GAA: variants seen among roughly 807,000 people sequenced by gnomAD.
GAA encodes lysosomal alpha-glucosidase.
GAA carries 88 observed loss-of-function variants against 103.9 expected under a neutral mutation model. The ratio of observed to expected loss-of-function variants is 0.85; its 90% CI spans 0.71 to 1.01. The LOEUF is 1.01. Ranked by LOEUF, GAA falls within the 50% of genes least tolerant of loss-of-function variation. The probability of loss-of-function intolerance (pLI) is 0.00; values close to 1 mark genes in which losing one functional copy is unlikely to be tolerated. For missense variants in GAA, 1,350 were observed against 1,305.3 expected (o/e 1.03, Z -0.53); for synonymous variants, 572 against 563.1 (o/e 1.02, Z -0.22).
intron 12 of GAA, 135 bp from the exon 13 acceptor site, chr17:80,112,443 G>A: frequency 2.6e-6 from 3 of 1,141,520 alleles, no homozygotes; most frequent in Non-Finnish European, 3.8e-6. Context: ...GACATGGGCA[G>A]TAGCCTCGCC....
intron 8 of GAA, 142 bp from the exon 9 acceptor site, chr17:80,109,803 G>A: frequency 1.5e-6 from 1 of 649,222 alleles, no homozygotes; most frequent in South Asian, 1.9e-5. Context: ...GCGTGTGCAG[G>A]CATGTGCAGG....
intron 15 of GAA, among the ~76,000 whole-genome samples, chr17:80,114,456 T>G (rs1162105303): frequency 6.6e-6 from 1 of 151,896 alleles, no homozygotes; most frequent in Non-Finnish European, 1.5e-5. Flanking sequence ...GCCCTAGGGA[T>G]TACAATTAAC....
At chr17:80,106,327 A>G (rs1320913176) in intron 3 of GAA, among the ~76,000 whole-genome samples, 1 of 75,240 alleles carries the variant, frequency 1.3e-5, no homozygotes, top group East Asian at 3.3e-4. Context: ...AAGCAAGTCC[A>G]TGCAGACACA....
rs1340464172 is a variant in GAA at position 80,110,847 on chromosome 17, G to A, written c.1551+7G>A. The A allele has an allele frequency of 1.2e-6, 2 of 1,613,858 alleles. No individual in the cohort carries two copies. Among genetic ancestry groups the A allele is most frequent in the African/African-American group, 1.3e-5 (1 of 74,910 alleles). On this transcript the variant is annotated splice_region_variant and intron_variant, in intron 10 of 19. Transcript: ENST00000302262. The stretch of plus-strand genomic sequence containing the variant: ...CTTCGACGGCATGTGGATTGTAAGT[G>A]TGGCCCCCTCCTGAGCATCCCCAAG...
At chr17:80,110,115 C>T (rs1394331830) in intron 9 of GAA, 60 bp downstream of exon 9, 9 of 1,343,614 alleles carry the variant, frequency 6.7e-6, no homozygotes, top group Middle Eastern at 1.9e-4. Flanking sequence ...CAGGGGGAGC[C>T]GGCAGCTGCT....
chr17:80,104,966 GCTT>G lies in GAA; in HGVS notation c.385_387del (p.Phe129del), dbSNP rs2039041423. ...GGAGCCCAGATGGGGCAGCCCTGGT[GCTT>G]CTTCCCACCCAGCTACCCCAGCTAC... On this transcript the variant is annotated inframe_deletion, in exon 2 of 20. Coordinates refer to ENST00000302262, the MANE Select transcript of GAA (RefSeq NM_000152.5). This position sits in a 1 kb window ranked among gnomAD's most constrained non-coding sequence, Gnocchi z 4.0. 1 of 1,612,442 alleles carries G rather than the reference GCTT, an allele frequency of 6.2e-7. No homozygotes were observed.
At chr17:80,110,430 G>A (rs887957658) in intron 9 of GAA, among the ~76,000 whole-genome samples, 4 of 152,198 alleles carry the variant, frequency 2.6e-5, no homozygotes, top group Admixed American at 6.5e-5. Context: ...GGGCTTGCAC[G>A]GGGCCGTCTC....
chr17:80,116,766 A>C, intron 15 of GAA: 1 of 630,064 alleles, frequency 1.6e-6, no homozygotes, highest in South Asian at 1.8e-5. Flanking sequence ...ATGTCCGGGG[A>C]GAAGGCTTCT....
In GAA at chr17:80,119,140, C is replaced by T. The variant is rs920558026; in HGVS notation, c.2800-132C>T. 2.1e-5 allele frequency: 20 copies of T among 960,928 alleles called. No homozygotes were observed. The East Asian group carries it at 2.2e-4, about 10-fold the overall frequency. 59.5% of individuals were successfully genotyped at this position (960,928 alleles called of 1,614,324 possible). On this transcript the variant is annotated intron_variant, in intron 19 of 19. Coordinates refer to ENST00000302262, the MANE Select transcript of GAA (RefSeq NM_000152.5). ...GGGTGCGAAGCATCCCAGGGCCAGA[C>T]GGAGCTGCCCCCTGAGCGCCGGGCC...
At chr17:80,113,163 A>G (rs1368095740) in intron 14 of GAA, 55 bp from the exon 15 acceptor site, 2 of 1,547,676 alleles carry the variant, frequency 1.3e-6, no homozygotes, top group Non-Finnish European at 1.7e-6. Flanking sequence ...CGGGGACTCC[A>G]GGGGACCGCG....
At position 80,112,586 on chromosome 17, in the gene GAA, T is replaced by G; in HGVS notation, c.1763T>G (p.Val588Gly). The G allele has an allele frequency of 6.2e-7, 1 of 1,612,982 alleles. No individual in the cohort carries two copies. The highest frequency in any genetic ancestry group is 8.5e-7 in the Non-Finnish European group (1 of 1,179,952). Residue 588 changes from valine (V) to glycine (G), a missense_variant, in exon 13 of 20, where the codon GTG (valine) becomes GGG (glycine). Physicochemically the swap from Val to Gly is moderately radical, Grantham distance 109. Transcript: ENST00000302262. ...TEAIASHRAL[V>G]KARGTRPFVI... The stretch of plus-strand genomic sequence containing the variant: ...GTCCCCCACCACCCCAGGGCGCTGG[T>G]GAAGGCTCGGGGGACACGCCCATTT...
In GAA at chr17:80,108,625, CAG is replaced by C; in HGVS notation, c.1194+19_1194+20del. ...TCCCCCTGGTGAGTTGGGGTGGTGGCAGGGGAGGCAAGGGGCTGGCCGGGACG... is the reference window on the plus strand; with the variant it reads ...TCCCCCTGGTGAGTTGGGGTGGTGGCGGGAGGCAAGGGGCTGGCCGGGACG... On this transcript the variant is annotated intron_variant, in intron 7 of 19. Coordinates refer to ENST00000302262, the MANE Select transcript of GAA (RefSeq NM_000152.5). The C allele has an allele frequency of 6.2e-7, 1 of 1,612,664 alleles. No homozygotes were observed. Among genetic ancestry groups the C allele is most frequent in the African/African-American group, 1.3e-5 (1 of 75,044 alleles).
Position 80,112,025 on chromosome 17 carries a change from C to T in GAA, c.1679C>T (p.Ser560Phe), listed in dbSNP as rs576056187. The T allele has an allele frequency of 6.2e-7, 1 of 1,613,994 alleles. No homozygotes were observed. Among genetic ancestry groups the T allele is most frequent in the Admixed American group, 1.7e-5 (1 of 60,024 alleles). ...CTCCAGGCGGCCACCATCTGTGCCT[C>T]CAGCCACCAGTTTCTCTCCACACAC... ...GTLQAATICA[S>F]SHQFLSTHYN... Residue 560 changes from serine (S) to phenylalanine (F), a missense_variant, in exon 12 of 20, where the codon TCC (serine) becomes TTC (phenylalanine). Ser to Phe is a radical substitution (Grantham distance 155). Coordinates refer to ENST00000302262, the MANE Select transcript of GAA (RefSeq NM_000152.5).
chr17:80,110,075 G>C lies in GAA; in HGVS notation c.1437+20G>C, dbSNP rs768737799. ...GGGAAGGTAGGGCGAGGGTCCAGGG[G>C]ACGGGGGTTAGAAAGCAGAGGCCTC... On this transcript the variant is annotated intron_variant, in intron 9 of 19. Coordinates refer to ENST00000302262, the MANE Select transcript of GAA (RefSeq NM_000152.5). The C allele has an allele frequency of 8.7e-6, 14 of 1,601,586 alleles. No homozygotes were observed. In the African/African-American group the frequency reaches 1.1e-4, roughly 12 times the overall value.
chr17:80,107,981 T>C (rs966762838), intron 5 of GAA, 85 bp downstream of exon 5: 32 of 1,292,862 alleles, frequency 2.5e-5, no homozygotes, highest in South Asian at 5.0e-5. Context: ...TGAGGGGCCC[T>C]GGGCACGGTG....
intron 17 of GAA, 53 bp downstream of exon 17, chr17:80,117,802 G>A (rs927464085): frequency 1.0e-5 from 16 of 1,547,466 alleles, no homozygotes; most frequent in Non-Finnish European, 1.4e-5. Context: ...CTGCAGAGCT[G>A]GGGGAGGCAC....
rs1238506717 is a variant in GAA at position 80,119,704 on chromosome 17, C to G, written c.*373C>G. On this transcript the variant is annotated 3_prime_UTR_variant, in exon 20 of 20. Coordinates refer to ENST00000302262, the MANE Select transcript of GAA (RefSeq NM_000152.5). Reference sequence around the variant, plus strand: ...TCAGGTGGAGGTGTGGGGTATGCACCTGAGCTCCTGCTTCGCGCCTGCTGC... The same window carrying G: ...TCAGGTGGAGGTGTGGGGTATGCACGTGAGCTCCTGCTTCGCGCCTGCTGC... 6.1e-6 allele frequency: 2 copies of G among 325,490 alleles called. No individual in the cohort carries two copies. The highest frequency in any genetic ancestry group is 4.1e-5 in the Admixed American group (1 of 24,362). 20.2% of individuals were successfully genotyped at this position (325,490 alleles called of 1,614,324 possible).
intron 8 of GAA, 78 bp from the exon 9 acceptor site, chr17:80,109,867 C>G (rs2143864997): frequency 9.8e-7 from 1 of 1,022,580 alleles, no homozygotes; most frequent in Non-Finnish European, 1.5e-6. Flanking sequence ...GCCTCATCCT[C>G]TCACTGTCTC....
Position 80,108,382 on chromosome 17 carries a change from G to A in GAA, c.1048G>A (p.Val350Met), listed in dbSNP as rs200412003. Residue 350 changes from valine to methionine, a missense_variant, in exon 6 of 20, where the codon GTG becomes ATG. Val to Met is a conservative substitution (Grantham distance 21). Coordinates refer to ENST00000302262, the MANE Select transcript of GAA (RefSeq NM_000152.5). ...YIFLGPEPKS[V>M]VQQYLDVVGY... ...CTTCCTGGGCCCAGAGCCCAAGAGCGTGGTGCAGCAGTACCTGGACGTTGT... is the reference window on the plus strand; with the variant it reads ...CTTCCTGGGCCCAGAGCCCAAGAGCATGGTGCAGCAGTACCTGGACGTTGT... 8.6e-5 allele frequency: 138 copies of A among 1,613,430 alleles called. No homozygotes were observed. The highest frequency in any genetic ancestry group is 8.3e-5 in the Non-Finnish European group (98 of 1,180,054).
Sources: gnomAD v4.1 joint callset for allele counts (sites outside exome capture counted in the v4.1 genomes callset) on GRCh38, gnomAD v4.1.1 for gene constraint, Gnocchi (gnomAD v3.1) non-coding constraint, MANE v1.5 for transcripts, NCBI Gene and HGNC (gene_info 2026-07-23, HGNC 2026-07-21) for gene names.